Variants in CWH43 observed in about 807,000 individuals in gnomAD.
CWH43 encodes the protein cell wall biogenesis 43 C-terminal homolog, also known as PGAP2-interacting protein.
Under a neutral mutation model 85.7 loss-of-function variants are expected in CWH43, and 91 were observed. That is an observed-to-expected ratio of 1.06 (90% CI 0.90 to 1.26). CWH43 has a LOEUF of 1.26. Ranked by LOEUF, CWH43 falls within the 50% of genes most tolerant of loss-of-function variation. The pLI is 0.00. For synonymous variants in CWH43, 323 were observed against 293.6 expected (o/e 1.10, Z -1.02); for missense variants, 869 against 839.2 (o/e 1.04, Z -0.44).
chr4:48,990,295 A>G (rs1280328561), intron 2 of CWH43, among the ~76,000 whole-genome samples: 1 of 152,240 alleles, frequency 6.6e-6, no homozygotes, highest in Non-Finnish European at 1.5e-5. Context: ...GGTAGGGAAC[A>G]TTACTCAGAG....
intron 8 of CWH43, among the ~76,000 whole-genome samples, chr4:49,011,726 C>T (rs1210735138): frequency 2.0e-5 from 3 of 152,152 alleles, no homozygotes; most frequent in Non-Finnish European, 4.4e-5. Context: ...TATTTTATTT[C>T]TCCTTCACTT....
chr4:48,987,514 C>T (rs1321813777), intron 1 of CWH43, among the ~76,000 whole-genome samples: 2 of 152,130 alleles, frequency 1.3e-5, no homozygotes, highest in Non-Finnish European at 2.9e-5. Flanking sequence ...TAGGTACTCA[C>T]TTAACTTTCT....
chr4:49,013,292 C>A (rs893302951), intron 8 of CWH43, among the ~76,000 whole-genome samples: 1 of 152,266 alleles, frequency 6.6e-6, no homozygotes, highest in African/African-American at 2.4e-5. Context: ...GAGGTACCCA[C>A]CCAGCCAGGC....
chr4:48,997,579 C>T (rs1782853076), intron 5 of CWH43, among the ~76,000 whole-genome samples: 1 of 152,148 alleles, frequency 6.6e-6, no homozygotes, highest in Admixed American at 6.6e-5. Flanking sequence ...TCTGTAGCCC[C>T]AGGGTCATTC....
At chr4:49,059,527 A>G (rs1310200616) in intron 15 of CWH43, among the ~76,000 whole-genome samples, 1 of 152,134 alleles carries the variant, frequency 6.6e-6, no homozygotes, top group Non-Finnish European at 1.5e-5. Flanking sequence ...ATCTTTATGG[A>G]CATGCCCTGG....
chr4:49,059,792 T>G (rs1191128377), intron 15 of CWH43, among the ~76,000 whole-genome samples: 7 of 151,890 alleles, frequency 4.6e-5, no homozygotes, highest in Non-Finnish European at 7.4e-5. Flanking sequence ...CCTGTGTCAA[T>G]AGGGACTGGA....
chr4:49,061,526 C>T (rs1785157442), intron 15 of CWH43, among the ~76,000 whole-genome samples: 1 of 152,068 alleles, frequency 6.6e-6, no homozygotes. Flanking sequence ...GGCCCCTTTG[C>T]CTATAAGAGA....
At chr4:49,055,895 T>A (rs2768958) in intron 15 of CWH43, among the ~76,000 whole-genome samples, 1 of 151,144 alleles carries the variant, frequency 6.6e-6, no homozygotes, top group Non-Finnish European at 1.5e-5. Flanking sequence ...CTATGGTCAA[T>A]CTAATTTTTC....
chr4:49,003,865 C>A lies in CWH43; in HGVS notation c.933C>A (p.Asn311Lys). ...TLGHLINSGT[N>K]PGKTMTIAMI... ...GACACCTTATTAACTCAGGGACAAA[C>A]CCTGGGAAAACCATGACCATTGCCA... is the stretch of plus-strand genomic sequence containing the variant. The change falls in exon 7 of 16, where the codon AAC (asparagine) becomes AAA (lysine). Residue 311 changes from asparagine (N) to lysine (K), a missense_variant. Asn to Lys is a moderately conservative substitution (Grantham distance 94). Coordinates refer to ENST00000226432, the MANE Select transcript of CWH43 (RefSeq NM_025087.3). 2 of 1,614,018 alleles carry A rather than the reference C, an allele frequency of 1.2e-6. No homozygotes were observed. The highest frequency in any genetic ancestry group is 1.1e-5 in the South Asian group (1 of 91,080).
chr4:49,016,956 T>G lies in CWH43; in HGVS notation c.1187-293T>G, dbSNP rs145246289. 1.0e-4 allele frequency: 82 copies of G among 783,550 alleles called. No individual in the cohort carries two copies. In the African/African-American group the frequency reaches 1.2e-3, roughly 12 times the overall value. 48.5% of individuals were successfully genotyped at this position (783,550 alleles called of 1,614,324 possible). On this transcript the variant is annotated intron_variant, in intron 8 of 15. Transcript: ENST00000226432. Reference sequence around the variant, plus strand: ...AGTAAAGGCCCCATTAGTCACTTTGTAGCAGTTCTGCGCAGGCACAGCAAT... The same window carrying G: ...AGTAAAGGCCCCATTAGTCACTTTGGAGCAGTTCTGCGCAGGCACAGCAAT...
chr4:49,019,968 C>A lies in CWH43; in HGVS notation c.1266+2640C>A, dbSNP rs1240936805. Among the ~76,000 whole-genome samples, 8 of 152,030 alleles carry A rather than the reference C, an allele frequency of 5.3e-5. No homozygotes were observed. In the South Asian group the frequency reaches 1.7e-3, roughly 32 times the overall value. Reference sequence around the variant, plus strand: ...CTGAGATTTTAGTGCACCCGTCACCCAAGCAGTGTACACTGCACCCAATAT... The same window carrying A: ...CTGAGATTTTAGTGCACCCGTCACCAAAGCAGTGTACACTGCACCCAATAT... On this transcript the variant is annotated intron_variant, in intron 9 of 15. Transcript: ENST00000226432.
Position 49,056,939 on chromosome 4 carries a change from C to T in CWH43, c.2022-4873C>T, listed in dbSNP as rs543727386. On this transcript the variant is annotated intron_variant, in intron 15 of 15. Coordinates refer to ENST00000226432, the MANE Select transcript of CWH43 (RefSeq NM_025087.3). ...TGTTTAGGAAAGTTTTGTTTAATTT[C>T]TACATATTTGTGAATTTTCCAATTT... 2.6e-4 allele frequency among the ~76,000 whole-genome samples: 39 copies of T among 152,134 alleles called. 1 individual carries two copies. The South Asian group carries it at 2.9e-3, about 11-fold the overall frequency.
intron 11 of CWH43, 110 bp downstream of exon 11, chr4:49,031,070 A>T: frequency 9.3e-7 from 1 of 1,077,342 alleles, no homozygotes; most frequent in East Asian, 2.8e-5. Context: ...TGCCCCAGTG[A>T]TGCTTCTTGG....
intron 12 of CWH43, among the ~76,000 whole-genome samples, chr4:49,037,045 A>G (rs1784282147): frequency 6.6e-6 from 1 of 152,172 alleles, no homozygotes; most frequent in Non-Finnish European, 1.5e-5. Context: ...CTGGCTTCCC[A>G]TCGCCTAGCT....
intron 8 of CWH43, among the ~76,000 whole-genome samples, chr4:49,014,159 A>G (rs752442718): frequency 2.6e-5 from 4 of 152,218 alleles, no homozygotes; most frequent in Non-Finnish European, 5.9e-5. Flanking sequence ...CTTAATTTAA[A>G]AGATTATATT....
At chr4:49,012,165 T>C (rs1393938017) in intron 8 of CWH43, among the ~76,000 whole-genome samples, 1 of 152,194 alleles carries the variant, frequency 6.6e-6, no homozygotes, top group Non-Finnish European at 1.5e-5. Flanking sequence ...GGAGGATTTG[T>C]TCATTTCTTT....
intron 14 of CWH43, among the ~76,000 whole-genome samples, chr4:49,049,473 T>C (rs1270663626): frequency 1.3e-5 from 2 of 151,802 alleles, no homozygotes; most frequent in Admixed American, 1.3e-4. Context: ...CTGGTAGCTG[T>C]CACAGACCTC....
At chr4:49,060,914 ATG>A (rs1560521015) in intron 15 of CWH43, among the ~76,000 whole-genome samples, 1 of 152,140 alleles carries the variant, frequency 6.6e-6, no homozygotes, top group African/African-American at 2.4e-5. Flanking sequence ...CTGTGTGTAT[ATG>A]TGTGTTTTTG....
intron 8 of CWH43, among the ~76,000 whole-genome samples, chr4:49,014,980 G>A (rs562653852): frequency 2.0e-5 from 3 of 152,160 alleles, no homozygotes; most frequent in East Asian, 1.9e-4. Flanking sequence ...CCCTCAGTGC[G>A]GTATCATACA....
Sources: gnomAD v4.1 joint callset for allele counts (sites outside exome capture counted in the v4.1 genomes callset) on GRCh38, gnomAD v4.1.1 for gene constraint, MANE v1.5 for transcripts, NCBI Gene and HGNC (gene_info 2026-07-23, HGNC 2026-07-21) for gene names.